KCNMA1: variants seen among roughly 807,000 people sequenced by gnomAD.
The protein encoded by KCNMA1 is Calcium-activated potassium channel subunit alpha-1.
In KCNMA1, 29 loss-of-function variants were observed where a neutral mutation model predicts 140.0. That is an observed-to-expected ratio of 0.21 (90% CI 0.15 to 0.28). KCNMA1 has a LOEUF of 0.28. KCNMA1 is among the 10% of genes least tolerant of loss of function. The pLI is 1.00. For missense variants in KCNMA1, 880 were observed against 1,602.2 expected (o/e 0.55, Z 7.70); for synonymous variants, 612 against 611.9 (o/e 1.00, Z 0.00).
chr10:77,509,485 G>A (rs760095776), intron 1 of KCNMA1, among the ~76,000 whole-genome samples: 1 of 152,134 alleles, frequency 6.6e-6, no homozygotes, highest in Non-Finnish European at 1.5e-5. Flanking sequence ...TTGATTTCCT[G>A]CATTCATATC....
intron 1 of KCNMA1, among the ~76,000 whole-genome samples, chr10:77,443,500 C>A (rs1209009985): frequency 6.6e-6 from 1 of 152,034 alleles, no homozygotes; most frequent in Non-Finnish European, 1.5e-5. Context: ...GGCAGCCCCT[C>A]ATGAAGTTCA....
chr10:77,221,406 T>C (rs2049622964), intron 3 of KCNMA1, among the ~76,000 whole-genome samples: 1 of 152,108 alleles, frequency 6.6e-6, no homozygotes, highest in African/African-American at 2.4e-5. Flanking sequence ...TGAAATTATA[T>C]GCAAAATTGT....
At chr10:76,929,163 C>T (rs74139883) in intron 23 of KCNMA1, among the ~76,000 whole-genome samples, 3,503 of 152,162 alleles carry the variant, frequency 0.023, 127 homozygotes, top group African/African-American at 0.08. Flanking sequence ...GGAATAGACC[C>T]ATATAATCCC....
chr10:77,030,226 T>C (rs2093829687), intron 15 of KCNMA1, among the ~76,000 whole-genome samples: 2 of 152,228 alleles, frequency 1.3e-5, no homozygotes, highest in African/African-American at 4.8e-5. Flanking sequence ...ACCTGGGCTT[T>C]GTGCTGATTA....
chr10:77,278,785 G>A (rs914897338), intron 2 of KCNMA1, among the ~76,000 whole-genome samples: 4 of 152,184 alleles, frequency 2.6e-5, no homozygotes, highest in Non-Finnish European at 4.4e-5. Context: ...AGTCATTAAA[G>A]CGTCACAGCT....
At chr10:77,207,283 G>C (rs2044459785) in intron 3 of KCNMA1, among the ~76,000 whole-genome samples, 1 of 152,050 alleles carries the variant, frequency 6.6e-6, no homozygotes, top group Non-Finnish European at 1.5e-5. Flanking sequence ...AAATTGTTCT[G>C]CATTCTATAG....
rs1443645641 is a variant in KCNMA1 at position 76,877,949 on chromosome 10, C to A, written c.3428-59G>T. The A allele has an allele frequency of 9.8e-6, 15 of 1,534,856 alleles. No individual in the cohort carries two copies. In the East Asian group the frequency reaches 3.2e-4, roughly 33 times the overall value. On this transcript the variant is annotated intron_variant, in intron 29 of 29. Coordinates refer to the KCNMA1 transcript ENST00000372403. ...GGAGAAATGAGAAGTTTAATTAGTC[C>A]TAGGGTAAAGCCTTTGGAAAGTTCA... is the stretch of plus-strand genomic sequence containing the variant.
intron 1 of KCNMA1, among the ~76,000 whole-genome samples, chr10:77,529,181 G>A (rs940206345): frequency 2.6e-5 from 4 of 152,174 alleles, no homozygotes; most frequent in African/African-American, 9.7e-5. Flanking sequence ...CAAAAGGGTT[G>A]AGGGCATTGT....
At chr10:77,420,260 C>T (rs2096839320) in intron 1 of KCNMA1, among the ~76,000 whole-genome samples, 1 of 152,264 alleles carries the variant, frequency 6.6e-6, no homozygotes, top group South Asian at 2.1e-4. Context: ...TAAGCCTCCA[C>T]TGATGGCTCA....
intron 1 of KCNMA1, among the ~76,000 whole-genome samples, chr10:77,511,802 G>C (rs563400027): frequency 6.6e-6 from 1 of 152,284 alleles, no homozygotes; most frequent in South Asian, 2.1e-4. Context: ...AGGGGTAAAA[G>C]AATTTACCAA....
At chr10:77,025,647 G>A (rs1308381468) in intron 16 of KCNMA1, among the ~76,000 whole-genome samples, 1 of 152,024 alleles carries the variant, frequency 6.6e-6, no homozygotes, top group Non-Finnish European at 1.5e-5. Context: ...TTAAACACAG[G>A]TTAAAGAAGG....
chr10:77,248,235 G>A (rs1038848967), intron 3 of KCNMA1, among the ~76,000 whole-genome samples: 3 of 152,184 alleles, frequency 2.0e-5, no homozygotes, highest in Non-Finnish European at 2.9e-5. Context: ...TCGAGACATA[G>A]CTGGTCCAGC....
chr10:77,491,190 C>A (rs928218182), intron 1 of KCNMA1, among the ~76,000 whole-genome samples: 1 of 152,244 alleles, frequency 6.6e-6, no homozygotes, highest in East Asian at 1.9e-4. Context: ...TCTTAAGATC[C>A]CACATTTCCT....
At chr10:77,116,423 CA>C (rs2097466977) in intron 6 of KCNMA1, among the ~76,000 whole-genome samples, 1 of 152,062 alleles carries the variant, frequency 6.6e-6, no homozygotes, top group South Asian at 2.1e-4. Flanking sequence ...TTTAACAAGA[CA>C]TGTTTCAGTT....
chr10:77,480,029 A>C (rs1375760118), intron 1 of KCNMA1, among the ~76,000 whole-genome samples: 1 of 152,228 alleles, frequency 6.6e-6, no homozygotes, highest in Non-Finnish European at 1.5e-5. Context: ...GAATAGGTTA[A>C]GGAGGAGAAC....
intron 1 of KCNMA1, among the ~76,000 whole-genome samples, chr10:77,474,203 TGAGA>T (rs1446880830): frequency 1.3e-5 from 2 of 152,110 alleles, no homozygotes; most frequent in Non-Finnish European, 2.9e-5. Context: ...CGGCATGATG[TGAGA>T]GAGAGTGTTA....
chr10:77,171,386 C>CGTGT (rs371170620), intron 5 of KCNMA1, among the ~76,000 whole-genome samples: 36 of 137,148 alleles, frequency 2.6e-4, no homozygotes, highest in Non-Finnish European at 4.2e-4. Context: ...AGTACGTGTG[C>CGTGT]GTGTGTGTGT....
chr10:77,021,030 T>C (rs981857252), intron 16 of KCNMA1: 7 of 152,068 alleles, frequency 4.6e-5, no homozygotes, highest in Admixed American at 2.0e-4. Context: ...CAAAAAAAAA[T>C]CCAAAGTGTA....
chr10:77,233,401 A>T (rs1220540882), intron 3 of KCNMA1, among the ~76,000 whole-genome samples: 1 of 152,212 alleles, frequency 6.6e-6, no homozygotes, highest in Non-Finnish European at 1.5e-5. Context: ...TGGACCAAAA[A>T]AATTACATCT....
Sources: allele counts gnomAD v4.1 joint callset (sites outside exome capture counted in the v4.1 genomes callset), GRCh38; gene constraint gnomAD v4.1.1; transcripts MANE v1.5; gene names NCBI Gene and HGNC (gene_info 2026-07-23, HGNC 2026-07-21).